EGFLAM: variants seen among roughly 807,000 people sequenced by gnomAD.
EGFLAM encodes EGF like, fibronectin type III and laminin G domains, also known as pikachurin.
EGFLAM carries 79 observed loss-of-function variants against 113.1 expected under a neutral mutation model. The ratio of observed to expected loss-of-function variants is 0.70; its 90% CI spans 0.58 to 0.84. The LOEUF (loss-of-function observed/expected upper bound fraction) is 0.84, where lower values mean the gene tolerates loss of function less well. EGFLAM is among the 40% of genes least tolerant of loss of function. EGFLAM has a pLI of 0.00. For synonymous variants in EGFLAM, 504 were observed against 487.6 expected (o/e 1.03, Z -0.44); for missense variants, 1,265 against 1,291.6 (o/e 0.98, Z 0.32).
intron 1 of EGFLAM, among the ~76,000 whole-genome samples, chr5:38,307,095 G>A (rs1758739573): frequency 6.6e-6 from 1 of 152,184 alleles, no homozygotes; most frequent in Non-Finnish European, 1.5e-5. Context: ...GCTGTGTGGA[G>A]CTGAGACAAA....
At position 38,402,228 on chromosome 5, in the gene EGFLAM, A is replaced by T. The variant is rs185618847; in HGVS notation, c.713-3898A>T. On this transcript the variant is annotated intron_variant, in intron 6 of 21. Coordinates refer to ENST00000322350, the MANE Select transcript of EGFLAM (RefSeq NM_152403.4). ...ATATAGCTTTTAAAGAGTATTTTTT[A>T]AAAAACAACAAAAACCTGAAAACAT... 23 of 152,344 alleles carry T rather than the reference A, an allele frequency of 1.5e-4. No individual in the cohort carries two copies. In the East Asian group the frequency reaches 3.5e-3, roughly 23 times the overall value. 9.4% of individuals were successfully genotyped at this position (152,344 alleles called of 1,614,324 possible).
At chr5:38,417,347 C>CAAAAAAAAA (rs752613827) in intron 11 of EGFLAM, among the ~76,000 whole-genome samples, 6 of 78,468 alleles carry the variant, frequency 7.6e-5, no homozygotes, top group Non-Finnish European at 9.0e-5. Context: ...GACTCTGTCT[C>CAAAAAAAAA]AAAAAAAAAA....
chr5:38,299,964 C>A (rs1376446064), intron 1 of EGFLAM, among the ~76,000 whole-genome samples: 2 of 151,922 alleles, frequency 1.3e-5, no homozygotes, highest in Admixed American at 6.6e-5. Context: ...TATACTCAAG[C>A]AGAAAAAATA....
At chr5:38,267,523 T>C (rs1338388828) in intron 1 of EGFLAM, among the ~76,000 whole-genome samples, 1 of 152,242 alleles carries the variant, frequency 6.6e-6, no homozygotes, top group Non-Finnish European at 1.5e-5. Context: ...AAATGGGTGA[T>C]GGCTGTGAAT....
chr5:38,280,066 T>C (rs1349226093), intron 1 of EGFLAM, among the ~76,000 whole-genome samples: 1 of 152,158 alleles, frequency 6.6e-6, no homozygotes, highest in East Asian at 1.9e-4. Context: ...GGACAGATTG[T>C]TGGATAGATA....
intron 6 of EGFLAM, among the ~76,000 whole-genome samples, chr5:38,373,296 G>T (rs2932110): frequency 0.2 from 30,623 of 152,126 alleles, 3,790 homozygotes; most frequent in African/African-American, 0.35. Context: ...ACGTGGGTTT[G>T]GCTGACTGTG....
At chr5:38,357,476 G>C (rs1739793222) in intron 5 of EGFLAM, among the ~76,000 whole-genome samples, 2 of 152,196 alleles carry the variant, frequency 1.3e-5, no homozygotes, top group South Asian at 4.1e-4. Flanking sequence ...CTTTGGGTGG[G>C]GGAGGGGGTT....
At chr5:38,418,343 G>C in intron 12 of EGFLAM, 88 bp downstream of exon 12, 1 of 1,470,260 alleles carries the variant, frequency 6.8e-7, no homozygotes, top group Non-Finnish European at 9.2e-7. Context: ...GGAGGGAGCA[G>C]CAACATTAGG....
chr5:38,326,063 C>T (rs1219733396), intron 1 of EGFLAM, among the ~76,000 whole-genome samples: 1 of 152,114 alleles, frequency 6.6e-6, no homozygotes, highest in East Asian at 1.9e-4. Context: ...TGAAGACAGC[C>T]TGCTGGGAGC....
intron 11 of EGFLAM, among the ~76,000 whole-genome samples, chr5:38,414,266 C>T (rs73749229): frequency 0.15 from 23,507 of 152,086 alleles, 1,912 homozygotes; most frequent in East Asian, 0.24. Context: ...ACAGGGTCAG[C>T]GAACTGCATC....
chr5:38,388,374 T>G (rs1295956205), intron 6 of EGFLAM, among the ~76,000 whole-genome samples: 4 of 152,062 alleles, frequency 2.6e-5, no homozygotes, highest in Admixed American at 6.6e-5. Context: ...AATCCCAGCA[T>G]GCTGGGAGGC....
At chr5:38,406,743 A>G in intron 7 of EGFLAM, 85 bp from the exon 8 acceptor site, 1 of 1,332,868 alleles carries the variant, frequency 7.5e-7, no homozygotes. Flanking sequence ...CCATGTTTTC[A>G]AGTACTAGGC....
At position 38,390,248 on chromosome 5, in the gene EGFLAM, A is replaced by G. The variant is rs373423747; in HGVS notation, c.713-15878A>G. 5.9e-5 allele frequency among the ~76,000 whole-genome samples: 9 copies of G among 152,108 alleles called. No homozygotes were observed. The East Asian group carries it at 7.7e-4, about 13-fold the overall frequency. On this transcript the variant is annotated intron_variant, in intron 6 of 21. Transcript: ENST00000322350. The stretch of plus-strand genomic sequence containing the variant: ...ATGATACTGTTTAGAATGTTTTAGC[A>G]TTTTTTATAAATGCTATGACATGGC...
At chr5:38,426,563 G>T (rs1742016011) in intron 13 of EGFLAM, among the ~76,000 whole-genome samples, 1 of 152,182 alleles carries the variant, frequency 6.6e-6, no homozygotes, top group Non-Finnish European at 1.5e-5. Flanking sequence ...GTAAGCCAAT[G>T]CTGTTACATA....
intron 5 of EGFLAM, among the ~76,000 whole-genome samples, chr5:38,357,001 A>C (rs1739779459): frequency 6.6e-6 from 1 of 152,208 alleles, no homozygotes; most frequent in Non-Finnish European, 1.5e-5. Context: ...TGCCATTATA[A>C]AAAAAGCCCA....
At chr5:38,412,031 C>T (rs1417165344) in intron 10 of EGFLAM, among the ~76,000 whole-genome samples, 1 of 152,144 alleles carries the variant, frequency 6.6e-6, no homozygotes, top group Non-Finnish European at 1.5e-5. Context: ...AACTCCTAAC[C>T]TCAGGTGATC....
At chr5:38,417,937 AAATAC>A in intron 11 of EGFLAM, 124 bp from the exon 12 acceptor site, 1 of 950,400 alleles carries the variant, frequency 1.1e-6, no homozygotes, top group Non-Finnish European at 1.5e-6. Context: ...TCTTAAAGAT[AAATAC>A]AGATGGAAGA....
At chr5:38,393,964 C>T (rs771004700) in intron 6 of EGFLAM, among the ~76,000 whole-genome samples, 2 of 152,142 alleles carry the variant, frequency 1.3e-5, no homozygotes, top group African/African-American at 4.8e-5. Context: ...GTGGGTGGCT[C>T]TCAGCGGAAA....
chr5:38,384,229 C>A (rs183774909), intron 6 of EGFLAM, among the ~76,000 whole-genome samples: 5 of 152,104 alleles, frequency 3.3e-5, no homozygotes, highest in Admixed American at 2.6e-4. Context: ...TTGAAACTGG[C>A]GAGTCATTGA....
Sources: allele counts gnomAD v4.1 joint callset (sites outside exome capture counted in the v4.1 genomes callset), GRCh38; gene constraint gnomAD v4.1.1; transcripts MANE v1.5; gene names NCBI Gene and HGNC (gene_info 2026-07-23, HGNC 2026-07-21).